Variants in TRPC5 observed in about 807,000 individuals in gnomAD.
TRPC5 encodes the protein transient receptor potential cation channel subfamily C member 5, also known as short transient receptor potential channel 5.
A neutral mutation model predicts 56.5 loss-of-function variants in TRPC5; 9 were observed. That is an observed-to-expected ratio of 0.16 (90% confidence interval 0.10 to 0.28). The LOEUF (loss-of-function observed/expected upper bound fraction) is 0.28, where lower values mean the gene tolerates loss of function less well. TRPC5 is among the 10% of genes least tolerant of loss of function. TRPC5 has a pLI of 1.00. For synonymous variants in TRPC5, 282 were observed against 278.5 expected (o/e 1.01, Z -0.13); for missense variants, 469 against 748.9 (o/e 0.63, Z 4.36).
intron 8 of TRPC5, 62 bp from the exon 9 acceptor site, chrX:111,781,268 A>C: frequency 1.0e-6 from 1 of 989,986 alleles, no homozygotes; most frequent in Non-Finnish European, 1.4e-6. Flanking sequence ...ACCCACCCAA[A>C]CATCTGAATA....
At chrX:111,790,584 G>A (rs1477826721) in intron 7 of TRPC5, among the ~76,000 whole-genome samples, 1 of 111,398 alleles carries the variant, frequency 9.0e-6, no homozygotes, top group African/African-American at 3.3e-5. Flanking sequence ...GGAAAAAACT[G>A]ACTAAAGGAT....
chrX:111,878,478 G>A (rs1006412153), intron 3 of TRPC5, among the ~76,000 whole-genome samples: 1 of 111,741 alleles, frequency 8.9e-6, no homozygotes, highest in Non-Finnish European at 1.9e-5. Context: ...ATATTTGCTG[G>A]TTGTTAGGAT....
At chrX:111,829,227 A>T (rs1014181611) in intron 7 of TRPC5, among the ~76,000 whole-genome samples, 4 of 102,905 alleles carry the variant, frequency 3.9e-5, no homozygotes, top group Non-Finnish European at 5.9e-5. Flanking sequence ...GGTTGAACCC[A>T]GGAGGAAGAG....
chrX:111,888,271 A>G (rs1319983339), intron 3 of TRPC5, among the ~76,000 whole-genome samples: 1 of 110,980 alleles, frequency 9.0e-6, no homozygotes, highest in Non-Finnish European at 1.9e-5. Flanking sequence ...ATAAACCACT[A>G]TAAGGATTTG....
rs1381580144 is a variant in TRPC5, at chrX:111,770,874, G to C, written c.*5439C>G. On this transcript the variant is annotated 3_prime_UTR_variant, in exon 11 of 11. Transcript: ENST00000262839. The stretch of plus-strand genomic sequence containing the variant: ...TACTTTCAAATGGCTGGCTACCTTA[G>C]GCTTAAATAAAAGGCACACTGCCAC... Among the ~76,000 whole-genome samples, 2 of 111,942 alleles carry C rather than the reference G, an allele frequency of 1.8e-5. No individual in the cohort carries two copies. Among genetic ancestry groups the C allele is most frequent in the Non-Finnish European group, 3.8e-5 (2 of 53,180 alleles).
At chrX:111,822,185 T>C (rs1044741449) in intron 7 of TRPC5, among the ~76,000 whole-genome samples, 1 of 111,728 alleles carries the variant, frequency 9.0e-6, no homozygotes, top group African/African-American at 3.3e-5. Flanking sequence ...CTTTTTCTTG[T>C]TGTTGTCCCC....
chrX:111,875,080 C>T (rs1287748693), intron 3 of TRPC5, among the ~76,000 whole-genome samples: 2 of 111,865 alleles, frequency 1.8e-5, no homozygotes, highest in East Asian at 5.6e-4. Flanking sequence ...CTGTATCCTC[C>T]TCTGTAAAAT....
chrX:111,856,566 A>AATG (rs2148587584), intron 3 of TRPC5, among the ~76,000 whole-genome samples: 1 of 104,701 alleles, frequency 9.6e-6, no homozygotes, highest in South Asian at 4.4e-4. Context: ...TAATAATAAT[A>AATG]ATAATAATAG....
rs1298044781 is a variant in TRPC5, at chrX:111,775,653, A to G, written c.*660T>C. On this transcript the variant is annotated 3_prime_UTR_variant, in exon 11 of 11. Coordinates refer to ENST00000262839, the MANE Select transcript of TRPC5 (RefSeq NM_012471.3). The stretch of plus-strand genomic sequence containing the variant: ...TGGGGTAAATATTTCATTGGCACAC[A>G]TTAGGAAACTAACACATCTTTAAGA... 1 of 112,528 alleles carries G rather than the reference A, an allele frequency of 8.9e-6. No homozygotes were observed. The highest frequency in any genetic ancestry group is 3.2e-5 in the African/African-American group (1 of 30,883). 9.3% of individuals were successfully genotyped at this position (112,528 alleles called of 1,213,427 possible).
chrX:112,045,343 A>G (rs1016822611), intron 1 of TRPC5, among the ~76,000 whole-genome samples: 3 of 111,738 alleles, frequency 2.7e-5, no homozygotes, highest in African/African-American at 9.8e-5. Context: ...GAATGCTGAC[A>G]GCCACCAGAA....
intron 1 of TRPC5, among the ~76,000 whole-genome samples, chrX:111,958,204 C>T (rs893158419): frequency 2.7e-5 from 3 of 111,979 alleles, no homozygotes; most frequent in African/African-American, 9.7e-5. Context: ...AGTTTCAGAA[C>T]AAATGTCCTC....
In TRPC5 at chrX:111,776,259, G is replaced by A; in HGVS notation, c.*54C>T. 5.6e-6 allele frequency: 6 copies of A among 1,079,410 alleles called. No homozygotes were observed. Among genetic ancestry groups the A allele is most frequent in the Non-Finnish European group, 7.3e-6 (6 of 818,903 alleles). 89.0% of individuals were successfully genotyped at this position (1,079,410 alleles called of 1,213,427 possible). A position where few individuals can be genotyped will look rare whatever the true frequency, so the allele number is the denominator to read the frequency against. On this transcript the variant is annotated 3_prime_UTR_variant, in exon 11 of 11. Coordinates refer to ENST00000262839, the MANE Select transcript of TRPC5 (RefSeq NM_012471.3). ...ATCATATTCTGTGTCACCTCTGAGA[G>A]CAAGGAAATTACAGATTTCTGTTGA...
chrX:111,784,020 A>T (rs746801751), intron 7 of TRPC5, among the ~76,000 whole-genome samples: 1 of 111,869 alleles, frequency 8.9e-6, no homozygotes, highest in Non-Finnish European at 1.9e-5. Flanking sequence ...AATTTGTTGG[A>T]CAACTCTCAT....
At chrX:111,930,460 G>A (rs1390667464) in intron 2 of TRPC5, among the ~76,000 whole-genome samples, 3 of 110,610 alleles carry the variant, frequency 2.7e-5, no homozygotes, top group Non-Finnish European at 5.7e-5. Flanking sequence ...AATTAGCTGG[G>A]CGTGGTGGTG....
intron 7 of TRPC5, among the ~76,000 whole-genome samples, chrX:111,830,845 AC>A: frequency 8.9e-6 from 1 of 112,471 alleles, no homozygotes. Flanking sequence ...CTCTTCTGCT[AC>A]CGGTTGGAGA....
In TRPC5 at chrX:111,776,217, G is replaced by C. The variant is rs1031213615; in HGVS notation, c.*96C>G. Reference sequence around the variant, plus strand: ...AGAGTTTCACTCTCCTTTCTGGGGGGCAGGGGCAGTGAGGGAATCATATTC... The same window carrying C: ...AGAGTTTCACTCTCCTTTCTGGGGGCCAGGGGCAGTGAGGGAATCATATTC... On this transcript the variant is annotated 3_prime_UTR_variant, in exon 11 of 11. Coordinates refer to ENST00000262839, the MANE Select transcript of TRPC5 (RefSeq NM_012471.3). 1.3e-5 allele frequency: 11 copies of C among 841,389 alleles called. No homozygotes were observed. Among genetic ancestry groups the C allele is most frequent in the Middle Eastern group, 4.5e-4 (1 of 2,234 alleles). The allele number at this position is 841,389 out of a possible 1,213,427, so 69.3% of individuals were successfully genotyped here. A position where few individuals can be genotyped will look rare whatever the true frequency, so the allele number is the denominator to read the frequency against.
At chrX:112,042,825 C>G (rs1205818713) in intron 1 of TRPC5, among the ~76,000 whole-genome samples, 3 of 108,356 alleles carry the variant, frequency 2.8e-5, no homozygotes, top group Non-Finnish European at 5.8e-5. Context: ...TTTTTTTTAC[C>G]AAATTTCCCC....
chrX:111,789,992 A>G (rs761298395), intron 7 of TRPC5, among the ~76,000 whole-genome samples: 1 of 112,255 alleles, frequency 8.9e-6, no homozygotes, highest in East Asian at 2.8e-4. Context: ...ATTGTGGAAG[A>G]CAGTGTGGCA....
intron 1 of TRPC5, among the ~76,000 whole-genome samples, chrX:111,968,162 A>G (rs1927660638): frequency 8.9e-6 from 1 of 112,133 alleles, no homozygotes; most frequent in Non-Finnish European, 1.9e-5. Context: ...AAAGTGGGCG[A>G]AGGATATGAA....
Sources: gnomAD v4.1 joint callset for allele counts (sites outside exome capture counted in the v4.1 genomes callset) on GRCh38, gnomAD v4.1.1 for gene constraint, MANE v1.5 for transcripts, NCBI Gene and HGNC (gene_info 2026-07-23, HGNC 2026-07-21) for gene names.